The following ZAR1 variants were observed in gnomAD, a reference collection of about 807,000 sequenced individuals.
The protein encoded by ZAR1 is zygote arrest protein 1.
A neutral mutation model predicts 38.3 loss-of-function variants in ZAR1; 37 were observed. The observed-to-expected ratio is 0.97, with a 90% confidence interval of 0.74 to 1.27. The LOEUF is 1.27. Among genes scored for constraint, ZAR1 ranks in the 50% most tolerant of loss-of-function variants. The pLI, the probability that ZAR1 is intolerant of heterozygous loss-of-function variation, is 0.00. For synonymous variants in ZAR1, 336 were observed against 292.0 expected (o/e 1.15, Z -1.53); for missense variants, 651 against 632.4 (o/e 1.03, Z -0.32).
At chr4:48,496,854 T>C (rs941788973), downstream of ZAR1, among the ~76,000 whole-genome samples, 1 of 152,154 alleles carries the variant, frequency 6.6e-6, no homozygotes, top group Non-Finnish European at 1.5e-5. Flanking sequence ...AATAAATGGA[T>C]TTTCATACTG....
chr4:48,494,449 C>A, downstream of ZAR1: 1 of 632,596 alleles, frequency 1.6e-6, no homozygotes. Context: ...TTGTCTTGTG[C>A]TAACAGTCTG....
Position 48,490,811 on chromosome 4 carries a change from C to T in ZAR1, c.520C>T (p.Arg174Cys), listed in dbSNP as rs778512611. 79 of 1,507,136 alleles carry T rather than the reference C, an allele frequency of 5.2e-5. No individual in the cohort carries two copies. The highest frequency in any genetic ancestry group is 6.8e-5 in the Non-Finnish European group (77 of 1,135,858). 93.4% of individuals were successfully genotyped at this position (1,507,136 alleles called of 1,614,324 possible). Residue 174 changes from arginine to cysteine, a missense_variant, in exon 1 of 4, where the codon CGC becomes TGC. Transcript: ENST00000327939. ...CCAGAACGGCGCCCCGCGGCCCATG[C>T]GCTTCCCGCGCACCGTCGCCGTGTA... is the stretch of plus-strand genomic sequence containing the variant. ...SPQNGAPRPM[R>C]FPRTVAVYSP...
intron 3 of ZAR1, 86 bp downstream of exon 3, chr4:48,493,098 C>A (rs1383285483): frequency 3.2e-6 from 4 of 1,255,870 alleles, no homozygotes; most frequent in East Asian, 4.7e-5. Flanking sequence ...AAAAAGAGGC[C>A]AGGCCCCCAG....
At chr4:48,491,993 A>C (rs1034771506) in intron 1 of ZAR1, among the ~76,000 whole-genome samples, 1 of 152,204 alleles carries the variant, frequency 6.6e-6, no homozygotes, top group Non-Finnish European at 1.5e-5. Context: ...CGGCCACCAC[A>C]GGCTGGTATT....
At position 48,492,872 on chromosome 4, in the gene ZAR1, G is replaced by GGT. The variant is rs1718484300; in HGVS notation, c.1056+15_1056+16dup. On this transcript the variant is annotated intron_variant, in intron 2 of 3. Coordinates refer to ENST00000327939, the MANE Select transcript of ZAR1 (RefSeq NM_175619.3). ...GGAACTAACAAGGTAAGAAATACCA[G>GGT]GTAACTGGCATCTTCTTGCTGAAAG... 1 of 1,613,870 alleles carries GGT rather than the reference G, an allele frequency of 6.2e-7. No individual in the cohort carries two copies. Among genetic ancestry groups the GGT allele is most frequent in the Non-Finnish European group, 8.5e-7 (1 of 1,179,862 alleles).
intron 1 of ZAR1, 66 bp downstream of exon 1, chr4:48,491,320 C>G (rs1718436300): frequency 8.6e-7 from 1 of 1,158,544 alleles, no homozygotes; most frequent in African/African-American, 1.6e-5. Context: ...TGGGCCTGGC[C>G]CTGTGACTGC....
At chr4:48,491,346 G>A (rs1718437159) in intron 1 of ZAR1, 92 bp downstream of exon 1, 9 of 1,019,484 alleles carry the variant, frequency 8.8e-6, no homozygotes, top group Non-Finnish European at 1.0e-5. Context: ...GCACTCGGAG[G>A]TGCGGCGCTT....
At position 48,492,969 on chromosome 4, in the gene ZAR1, A is replaced by C. The variant is rs1309419232; in HGVS notation, c.1088A>C (p.Gln363Pro). Residue 363 changes from glutamine to proline, a missense_variant, in exon 3 of 4, where the codon CAG becomes CCG. Gln to Pro is a moderately conservative substitution (Grantham distance 76). Transcript: ENST00000327939. ...TTCAAACAGTTTTGCAGAACTTGTC[A>C]GAAGTCTTATAACCCTTACCGAGTG... The part of the protein sequence containing the change: ...VYFKQFCRTC[Q>P]KSYNPYRVED... 15 of 1,614,254 alleles carry C rather than the reference A, an allele frequency of 9.3e-6. No individual in the cohort carries two copies. The highest frequency in any genetic ancestry group is 1.3e-5 in the Non-Finnish European group (15 of 1,180,030).
In ZAR1 at chr4:48,494,212, G is replaced by T. The variant is rs1442651106; in HGVS notation, c.1243G>T (p.Asp415Tyr). Residue 415 changes from aspartate (D) to tyrosine (Y), a missense_variant, in exon 4 of 4, where the codon GAC (aspartate) becomes TAC (tyrosine). Asp to Tyr is a radical substitution (Grantham distance 160). Around this residue, in one of 2 missense-constraint regions of ZAR1, gnomAD observed 129 missense variants for 172.5 expected, o/e 0.75. Coordinates refer to ENST00000327939, the MANE Select transcript of ZAR1 (RefSeq NM_175619.3). ...ATGCAAAGGCAAACGCCTGTCCTGTGACAGCACTTTCAGCTTCAAATACAT... is the reference window on the plus strand; with the variant it reads ...ATGCAAAGGCAAACGCCTGTCCTGTTACAGCACTTTCAGCTTCAAATACAT... ...GRCKGKRLSC[D>Y]STFSFKYII is the part of the protein sequence containing the mutation. The T allele has an allele frequency of 1.9e-6, 3 of 1,614,210 alleles. No individual in the cohort carries two copies. Among genetic ancestry groups the T allele is most frequent in the Non-Finnish European group, 2.5e-6 (3 of 1,180,042 alleles).
At chr4:48,491,564 G>A (rs916970072) in intron 1 of ZAR1, among the ~76,000 whole-genome samples, 3 of 89,720 alleles carry the variant, frequency 3.3e-5, no homozygotes, top group East Asian at 6.3e-4. Context: ...GGCCAGCCCT[G>A]ACCGCACGGT....
Position 48,490,766 on chromosome 4 carries a change from G to T in ZAR1, c.475G>T (p.Gly159Cys). The change falls in exon 1 of 4, where the codon GGC becomes TGC. Residue 159 changes from glycine (G) to cysteine (C), a missense_variant. Transcript: ENST00000327939. ...GSFSQQPSRR[G>C]LEQGSPQNGA... ...TTTCTCCCAGCAGCCATCCCGTCGAGGCCTGGAGCAGGGCAGCCCCCAGAA... is the reference window on the plus strand; with the variant it reads ...TTTCTCCCAGCAGCCATCCCGTCGATGCCTGGAGCAGGGCAGCCCCCAGAA... 6.8e-7 allele frequency: 1 copy of T among 1,466,886 alleles called. No individual in the cohort carries two copies. The highest frequency in any genetic ancestry group is 9.0e-7 in the Non-Finnish European group (1 of 1,114,550). The allele number at this position is 1,466,886 out of a possible 1,614,324, so 90.9% of individuals were successfully genotyped here.
At chr4:48,491,321 C>T in intron 1 of ZAR1, 67 bp downstream of exon 1, 2 of 1,158,934 alleles carry the variant, frequency 1.7e-6, no homozygotes, top group Non-Finnish European at 2.2e-6. Context: ...GGGCCTGGCC[C>T]TGTGACTGCT....
At position 48,490,513 on chromosome 4, in the gene ZAR1, C is replaced by T; in HGVS notation, c.222C>T (p.Tyr74=). Residue 74 remains tyrosine (Y), a synonymous_variant, in exon 1 of 4, where the codon TAC becomes TAT. Coordinates refer to ENST00000327939, the MANE Select transcript of ZAR1 (RefSeq NM_175619.3). ...PGCGRLTAAE[Y]FDSYQRERLM... is the part of the protein sequence containing the mutation. ...GCGGGCGGCTGACGGCCGCCGAGTA[C>T]TTCGACAGCTACCAGCGGGAGCGGC... The T allele has an allele frequency of 2.0e-6, 3 of 1,473,906 alleles. No individual in the cohort carries two copies. The highest frequency in any genetic ancestry group is 1.9e-4 in the Middle Eastern group (1 of 5,354). 91.3% of individuals were successfully genotyped at this position (1,473,906 alleles called of 1,614,324 possible).
At chr4:48,496,662 A>G (rs10029732), downstream of ZAR1, among the ~76,000 whole-genome samples, 79,704 of 151,590 alleles carry the variant, frequency 0.53, 21,520 homozygotes, top group African/African-American at 0.65. Context: ...GCCAAACTCT[A>G]TGTGTACAAT....
rs906241871 is a variant in ZAR1, at chr4:48,494,289, T to A, written c.*45T>A. Reference sequence around the variant, plus strand: ...TGCATGCGCTGATGGAGTAGACGAGTGAGCTTTTCCGTGCCTCTCCTCCAC... The same window carrying A: ...TGCATGCGCTGATGGAGTAGACGAGAGAGCTTTTCCGTGCCTCTCCTCCAC... On this transcript the variant is annotated 3_prime_UTR_variant, in exon 4 of 4. Coordinates refer to ENST00000327939, the MANE Select transcript of ZAR1 (RefSeq NM_175619.3). 1 of 1,601,160 alleles carries A rather than the reference T, an allele frequency of 6.2e-7. No homozygotes were observed. The highest frequency in any genetic ancestry group is 1.3e-5 in the African/African-American group (1 of 74,798).
intron 3 of ZAR1, 77 bp from the exon 4 acceptor site, chr4:48,494,024 A>C (rs1262947214): frequency 6.5e-7 from 1 of 1,533,252 alleles, no homozygotes; most frequent in East Asian, 2.3e-5. Flanking sequence ...ACTTGAATGG[A>C]CTAGAAAAAT....
At position 48,490,640 on chromosome 4, in the gene ZAR1, G is replaced by T; in HGVS notation, c.349G>T (p.Ala117Ser). 1 of 1,347,578 alleles carries T rather than the reference G, an allele frequency of 7.4e-7. No homozygotes were observed. The highest frequency in any genetic ancestry group is 1.9e-5 in the South Asian group (1 of 53,678). 83.5% of individuals were successfully genotyped at this position (1,347,578 alleles called of 1,614,324 possible). Residue 117 changes from alanine to serine, a missense_variant, in exon 1 of 4, where the codon GCG becomes TCG. Around this residue, in one of 2 missense-constraint regions of ZAR1, gnomAD observed 522 missense variants for 459.9 expected, o/e 1.14. Transcript: ENST00000327939. ...GCAGGTGAGCCCGCGCATCGACGCC[G>T]CGGTACAGTGCTCGCTGGGGAGGCG... ...AVQVSPRIDA[A>S]VQCSLGRRTL... is the part of the protein sequence containing the mutation.
rs1449392109 is a variant in ZAR1, at chr4:48,490,818, C to A, written c.527C>A (p.Pro176Gln). ...QNGAPRPMRF[P>Q]RTVAVYSPLA... ...GGCGCCCCGCGGCCCATGCGCTTCC[C>A]GCGCACCGTCGCCGTGTACTCGCCC... Residue 176 changes from proline to glutamine, a missense_variant, in exon 1 of 4, where the codon CCG (proline) becomes CAG (glutamine). Pro to Gln is a moderately conservative substitution (Grantham distance 76, BLOSUM62 -1). Coordinates refer to ENST00000327939, the MANE Select transcript of ZAR1 (RefSeq NM_175619.3). 1.3e-6 allele frequency: 2 copies of A among 1,507,570 alleles called. No individual in the cohort carries two copies. Among genetic ancestry groups the A allele is most frequent in the Admixed American group, 2.1e-5 (1 of 48,396 alleles). The allele number at this position is 1,507,570 out of a possible 1,614,324, so 93.4% of individuals were successfully genotyped here.
downstream of ZAR1, among the ~76,000 whole-genome samples, chr4:48,494,560 T>C (rs1718535389): frequency 6.6e-6 from 1 of 152,116 alleles, no homozygotes; most frequent in Non-Finnish European, 1.5e-5. Context: ...GGGGGGTGCT[T>C]GTAGACGAGG....
Sources: gnomAD v4.1 joint callset for allele counts (sites outside exome capture counted in the v4.1 genomes callset) on GRCh38, gnomAD v4.1.1 for gene constraint, gnomAD v4.1.1 regional missense constraint, MANE v1.5 for transcripts, NCBI Gene and HGNC (gene_info 2026-07-23, HGNC 2026-07-21) for gene names.